Variants in PEX5L observed in about 807,000 individuals in gnomAD.
PEX5L encodes the protein peroxisomal biogenesis factor 5 like, also known as PEX5-related protein.
PEX5L carries 30 observed loss-of-function variants against 84.0 expected under a neutral mutation model. The observed-to-expected ratio is 0.36, with a 90% confidence interval of 0.27 to 0.48. The LOEUF (loss-of-function observed/expected upper bound fraction) is 0.48, where lower values mean the gene tolerates loss of function less well. Among genes scored for constraint, PEX5L ranks in the 20% least tolerant of loss-of-function variants. PEX5L has a pLI of 0.99. For missense variants in PEX5L, 533 were observed against 754.6 expected (o/e 0.71, Z 3.44); for synonymous variants, 270 against 283.1 (o/e 0.95, Z 0.46).
At chr3:179,854,698 G>A (rs73174477) in intron 8 of PEX5L, among the ~76,000 whole-genome samples, 22,721 of 152,106 alleles carry the variant, frequency 0.15, 1,870 homozygotes, top group Non-Finnish European at 0.19. Flanking sequence ...ATTAATTAAT[G>A]AATGAATTTC....
At chr3:179,824,268 G>A (rs995834745) in intron 8 of PEX5L, among the ~76,000 whole-genome samples, 3 of 152,162 alleles carry the variant, frequency 2.0e-5, no homozygotes, top group African/African-American at 7.2e-5. Context: ...ACTAATCAAT[G>A]TGAGATTAAG....
chr3:179,945,045 C>T (rs568857514), intron 2 of PEX5L, among the ~76,000 whole-genome samples: 1 of 152,334 alleles, frequency 6.6e-6, no homozygotes, highest in African/African-American at 2.4e-5. Flanking sequence ...AATGCTTGCA[C>T]TCAGAACTTC....
intron 2 of PEX5L, among the ~76,000 whole-genome samples, chr3:179,941,528 G>A (rs1017629348): frequency 6.6e-6 from 1 of 152,146 alleles, no homozygotes; most frequent in African/African-American, 2.4e-5. Flanking sequence ...CACAGATGAA[G>A]GGACTGAGAA....
chr3:180,036,713 T>A lies in PEX5L; in HGVS notation c.-114A>T. On this transcript the variant is annotated 5_prime_UTR_variant, in exon 1 of 15. Transcript: ENST00000467460. The stretch of plus-strand genomic sequence containing the variant: ...TGCACAGCGGGTTCTCAGAGGGTGC[T>A]CCTGAGCCCCCTGGAGCTCCGGGTA... 8.5e-7 allele frequency: 1 copy of A among 1,177,698 alleles called. No individual in the cohort carries two copies. The highest frequency in any genetic ancestry group is 1.7e-5 in the Admixed American group (1 of 59,100). The allele number at this position is 1,177,698 out of a possible 1,614,324, so 73.0% of individuals were successfully genotyped here.
intron 1 of PEX5L, among the ~76,000 whole-genome samples, chr3:180,018,225 TATA>T (rs1790108327): frequency 6.6e-6 from 1 of 152,332 alleles, no homozygotes; most frequent in East Asian, 1.9e-4. Flanking sequence ...CGTTGTTTCA[TATA>T]ATATTTTTAT....
chr3:179,850,046 A>G (rs533200476), intron 8 of PEX5L, among the ~76,000 whole-genome samples: 21 of 152,318 alleles, frequency 1.4e-4, no homozygotes, highest in Middle Eastern at 3.4e-3. Context: ...TGACCTTAAA[A>G]ATTTAGAGAT....
chr3:179,856,316 A>C lies in PEX5L; in HGVS notation c.822+2746T>G, dbSNP rs141460964. On this transcript the variant is annotated intron_variant, in intron 8 of 14. Transcript: ENST00000467460. ...TATACTGTAAAACTTTCCATATATA[A>C]ACTACTATTTCAATTATTGCTAGAC... Among the ~76,000 whole-genome samples the C allele has an allele frequency of 1.3e-3, 202 of 152,318 alleles. 1 individual carries two copies. The East Asian group carries it at 0.032, about 24-fold the overall frequency.
At chr3:179,846,648 C>T (rs368230226) in intron 8 of PEX5L, among the ~76,000 whole-genome samples, 3 of 152,272 alleles carry the variant, frequency 2.0e-5, no homozygotes, top group Middle Eastern at 3.4e-3. Flanking sequence ...GATTGCCCTC[C>T]GCAGTTGGAA....
intron 2 of PEX5L, among the ~76,000 whole-genome samples, chr3:179,952,007 T>C (rs1362843627): frequency 1.3e-5 from 2 of 152,240 alleles, no homozygotes; most frequent in Non-Finnish European, 2.9e-5. Context: ...TAATTTACAA[T>C]TACAAAGCAA....
rs377048934 is a variant in PEX5L at position 179,885,539 on chromosome 3, G to C, written c.310+2134C>G. On this transcript the variant is annotated intron_variant, in intron 4 of 14. Coordinates refer to ENST00000467460, the MANE Select transcript of PEX5L (RefSeq NM_016559.3). ...CAGGTGCCTATAGTCCCAGCTACTTGGGAGGCTGATGCAAGAAAATCGCTT... is the reference window on the plus strand; with the variant it reads ...CAGGTGCCTATAGTCCCAGCTACTTCGGAGGCTGATGCAAGAAAATCGCTT... Among the ~76,000 whole-genome samples the C allele has an allele frequency of 5.3e-4, 81 of 152,164 alleles. 1 individual carries two copies. The highest frequency in any genetic ancestry group is 1.6e-3 in the African/African-American group (68 of 41,534).
intron 3 of PEX5L, among the ~76,000 whole-genome samples, chr3:179,894,062 C>A (rs1758433646): frequency 6.6e-6 from 1 of 151,966 alleles, no homozygotes; most frequent in Admixed American, 6.6e-5. Context: ...CTTCACCCGA[C>A]TCTGTGACAT....
At chr3:179,966,619 C>T (rs890581973) in intron 2 of PEX5L, among the ~76,000 whole-genome samples, 10 of 152,138 alleles carry the variant, frequency 6.6e-5, no homozygotes, top group Non-Finnish European at 1.5e-4. Flanking sequence ...CTTGTTCTTC[C>T]ATTTTAATTT....
In PEX5L at chr3:179,815,847, A is replaced by T. The variant is rs1441117341; in HGVS notation, c.1083+14T>A. ...GCCCTTTCTGAGTCTGGCAGAATGAAGGGAGAATGACACCTCTGCATCTCC... is the reference window on the plus strand; with the variant it reads ...GCCCTTTCTGAGTCTGGCAGAATGATGGGAGAATGACACCTCTGCATCTCC... On this transcript the variant is annotated intron_variant, in intron 10 of 14. Transcript: ENST00000467460. 1.9e-6 allele frequency: 3 copies of T among 1,613,604 alleles called. No individual in the cohort carries two copies. The highest frequency in any genetic ancestry group is 4.5e-5 in the East Asian group (2 of 44,872).
chr3:179,909,302 T>C (rs576135508), intron 2 of PEX5L, among the ~76,000 whole-genome samples: 1 of 151,980 alleles, frequency 6.6e-6, no homozygotes, highest in South Asian at 2.1e-4. Context: ...CCAAATAAAA[T>C]AAACTGAAAA....
At chr3:179,979,098 T>A (rs1242899969) in intron 1 of PEX5L, among the ~76,000 whole-genome samples, 1 of 152,208 alleles carries the variant, frequency 6.6e-6, no homozygotes, top group Admixed American at 6.5e-5. Flanking sequence ...GGGACAGTAC[T>A]TGGCTGGCAT....
At chr3:179,888,461 T>A (rs573808420) in intron 3 of PEX5L, among the ~76,000 whole-genome samples, 1 of 152,332 alleles carries the variant, frequency 6.6e-6, no homozygotes, top group South Asian at 2.1e-4. Flanking sequence ...TCCCATTAGC[T>A]CATTTTCTAA....
At chr3:179,851,992 A>G (rs1348335016) in intron 8 of PEX5L, among the ~76,000 whole-genome samples, 6 of 152,142 alleles carry the variant, frequency 3.9e-5, no homozygotes, top group Non-Finnish European at 7.4e-5. Context: ...GGAGATGAGG[A>G]AGAGAGTAGT....
At chr3:179,864,718 G>T (rs1747497662) in intron 7 of PEX5L, among the ~76,000 whole-genome samples, 1 of 152,094 alleles carries the variant, frequency 6.6e-6, no homozygotes, top group African/African-American at 2.4e-5. Context: ...GTGAGTGAAT[G>T]CATATGTTAA....
At chr3:180,010,346 C>T (rs1005061321) in intron 1 of PEX5L, among the ~76,000 whole-genome samples, 1 of 149,830 alleles carries the variant, frequency 6.7e-6, no homozygotes, top group East Asian at 2.0e-4. Flanking sequence ...GCCTTGGCCT[C>T]CCAAAGTGTG....
Sources: allele counts gnomAD v4.1 joint callset (sites outside exome capture counted in the v4.1 genomes callset), GRCh38; gene constraint gnomAD v4.1.1; transcripts MANE v1.5; gene names NCBI Gene and HGNC (gene_info 2026-07-23, HGNC 2026-07-21).